Variants in SAMMSON observed in about 807,000 individuals in gnomAD.
SAMMSON encodes long intergenic non-protein coding RNA 1212.
intron 2 of SAMMSON, among the ~76,000 whole-genome samples, chr3:70,425,958 T>C (rs1480688731): frequency 6.6e-6 from 1 of 152,174 alleles, no homozygotes; most frequent in East Asian, 1.9e-4. Flanking sequence ...AACTCAGTGA[T>C]AGTGTCAGAA....
chr3:70,222,289 G>T (rs1254606285), intron 4 of SAMMSON, among the ~76,000 whole-genome samples: 4 of 152,098 alleles, frequency 2.6e-5, no homozygotes, highest in Non-Finnish European at 5.9e-5. Flanking sequence ...GAAACTTCAG[G>T]TCCTCTACTT....
chr3:70,341,368 T>G (rs1167563108), intron 7 of SAMMSON, among the ~76,000 whole-genome samples: 5 of 152,086 alleles, frequency 3.3e-5, no homozygotes, highest in African/African-American at 9.7e-5. Flanking sequence ...AAGAATATTG[T>G]TTTTTTCCAC....
At chr3:70,292,663 A>C (rs1559556126) in intron 7 of SAMMSON, among the ~76,000 whole-genome samples, 2 of 152,112 alleles carry the variant, frequency 1.3e-5, no homozygotes, top group Non-Finnish European at 2.9e-5. Context: ...TGATTGATGA[A>C]AACAATTCAT....
At chr3:70,097,885 C>A (rs372407114) in intron 4 of SAMMSON, among the ~76,000 whole-genome samples, 14 of 152,188 alleles carry the variant, frequency 9.2e-5, no homozygotes, top group Middle Eastern at 6.8e-3. Flanking sequence ...TAAAATAAAG[C>A]ACTTATGGAG....
At position 70,109,813 on chromosome 3, in the gene SAMMSON, A is replaced by G. The variant is rs1186765536; in HGVS notation, n.507+38248A>G. On this transcript the variant is annotated intron_variant and non_coding_transcript_variant, in intron 4 of 9. Coordinates refer to ENST00000642114, the Ensembl canonical transcript of SAMMSON. ...AAGATCCTCTAAGGACTTCCCAGAT[A>G]AAATTAATTACTTATTCTTTCTTCT... Among the ~76,000 whole-genome samples the G allele has an allele frequency of 2.6e-5, 4 of 152,198 alleles. No homozygotes were observed. The East Asian group carries it at 7.7e-4, about 29-fold the overall frequency.
At chr3:70,314,185 G>A (rs75168196) in intron 7 of SAMMSON, among the ~76,000 whole-genome samples, 6,158 of 152,098 alleles carry the variant, frequency 0.04, 188 homozygotes, top group South Asian at 0.078. Flanking sequence ...TCCCCCCAGT[G>A]CAACCAAGGG....
At chr3:70,000,815 G>A (rs2066902832) in intron 1 of SAMMSON, among the ~76,000 whole-genome samples, 1 of 152,120 alleles carries the variant, frequency 6.6e-6, no homozygotes, top group African/African-American at 2.4e-5. Flanking sequence ...TCTTTCTGGG[G>A]TCTTGTATTA....
intron 4 of SAMMSON, among the ~76,000 whole-genome samples, chr3:70,113,063 C>T (rs1404732063): frequency 6.6e-6 from 1 of 151,994 alleles, no homozygotes; most frequent in Non-Finnish European, 1.5e-5. Context: ...CCATGTTTGC[C>T]ACAGGATTAG....
At chr3:70,162,065 A>G (rs891952549) in intron 4 of SAMMSON, among the ~76,000 whole-genome samples, 1 of 151,556 alleles carries the variant, frequency 6.6e-6, no homozygotes, top group Non-Finnish European at 1.5e-5. Context: ...CAATTTTGTC[A>G]GTGATTCCAA....
intron 2 of SAMMSON, among the ~76,000 whole-genome samples, chr3:70,430,485 G>T (rs1014737826): frequency 1.3e-5 from 2 of 152,112 alleles, no homozygotes; most frequent in African/African-American, 4.8e-5. Flanking sequence ...GTAACATGGA[G>T]CAGTCTAGAA....
chr3:70,261,319 T>C (rs148737071), intron 6 of SAMMSON, among the ~76,000 whole-genome samples: 34 of 152,294 alleles, frequency 2.2e-4, no homozygotes, highest in Middle Eastern at 3.4e-3. Context: ...TCTCTTGGCT[T>C]GTCCCTTCAT....
chr3:70,266,252 C>T (rs2106666336), intron 6 of SAMMSON, among the ~76,000 whole-genome samples: 1 of 152,008 alleles, frequency 6.6e-6, no homozygotes, highest in Admixed American at 6.5e-5. Flanking sequence ...TTGATGTGAC[C>T]TATTATGACT....
intron 7 of SAMMSON, among the ~76,000 whole-genome samples, chr3:70,301,348 A>G (rs948059688): frequency 1.3e-5 from 2 of 152,092 alleles, no homozygotes; most frequent in Admixed American, 1.3e-4. Flanking sequence ...ATACTGCAAA[A>G]TTCCACCCAC....
chr3:70,395,568 C>A (rs1033565889), intron 2 of SAMMSON, among the ~76,000 whole-genome samples: 4 of 152,000 alleles, frequency 2.6e-5, no homozygotes. Flanking sequence ...ATTACTCCTG[C>A]CACAGTTTTA....
At chr3:70,391,006 T>C (rs935100134), downstream of SAMMSON, among the ~76,000 whole-genome samples, 1 of 152,174 alleles carries the variant, frequency 6.6e-6, no homozygotes. Flanking sequence ...CATTAGAATT[T>C]ATGAAAAATA....
intron 9 of SAMMSON, among the ~76,000 whole-genome samples, chr3:70,380,891 G>A (rs1412363075): frequency 6.6e-6 from 1 of 152,102 alleles, no homozygotes; most frequent in East Asian, 1.9e-4. Context: ...TTTTATGGCT[G>A]CATAGTATTC....
intron 2 of SAMMSON, among the ~76,000 whole-genome samples, chr3:70,421,702 C>T (rs1008420128): frequency 1.3e-5 from 2 of 152,068 alleles, no homozygotes; most frequent in African/African-American, 4.8e-5. Context: ...AGATTTTTGC[C>T]TCCTGATAGA....
chr3:70,075,518 T>C (rs1024227608), intron 4 of SAMMSON: 6 of 152,178 alleles, frequency 3.9e-5, no homozygotes, highest in African/African-American at 1.2e-4. Flanking sequence ...GCTAAGACTT[T>C]AAGTGCCACT....
chr3:70,134,683 CAT>C (rs780615692), intron 4 of SAMMSON, among the ~76,000 whole-genome samples: 56 of 152,184 alleles, frequency 3.7e-4, no homozygotes, highest in Non-Finnish European at 6.5e-4. Context: ...ATTTTTATGA[CAT>C]ATTTCTAATT....
Sources: allele counts gnomAD v4.1 joint callset (sites outside exome capture counted in the v4.1 genomes callset), GRCh38; gene constraint gnomAD v4.1.1; transcripts MANE v1.5; gene names NCBI Gene and HGNC (gene_info 2026-07-23, HGNC 2026-07-21).